The following ARHGEF1 variants were observed in gnomAD, a reference collection of about 807,000 sequenced individuals.
ARHGEF1 encodes the protein 115 kDa guanine nucleotide exchange factor.
A neutral mutation model predicts 119.7 loss-of-function variants in ARHGEF1; 40 were observed. The observed-to-expected ratio is 0.33, with a 90% confidence interval of 0.26 to 0.44. The LOEUF (loss-of-function observed/expected upper bound fraction) is 0.44, where lower values mean the gene tolerates loss of function less well. Among genes scored for constraint, ARHGEF1 ranks in the 20% least tolerant of loss-of-function variants. The probability of loss-of-function intolerance (pLI) is 1.00; values close to 1 mark genes in which losing one functional copy is unlikely to be tolerated. For synonymous variants in ARHGEF1, 494 were observed against 521.0 expected, an observed-to-expected ratio of 0.95 and a Z score of 0.71; for missense variants, 976 against 1,268.3, an observed-to-expected ratio of 0.77 and a Z score of 3.50.
At position 41,907,133 on chromosome 19, in the gene ARHGEF1, G is replaced by A; in HGVS notation, c.*46G>A. ...TTTTGCAAGAAGGAGAGGAATGGGG[G>A]AGAGGACGTGAGGGACCACCCCCAC... On this transcript the variant is annotated 3_prime_UTR_variant, in exon 29 of 29. Transcript: ENST00000354532. 1 of 1,530,838 alleles carries A rather than the reference G, an allele frequency of 6.5e-7. No homozygotes were observed. The highest frequency in any genetic ancestry group is 8.7e-7 in the Non-Finnish European group (1 of 1,144,618). The allele number at this position is 1,530,838 out of a possible 1,614,324, so 94.8% of individuals were successfully genotyped here.
rs782507311 is a variant in ARHGEF1, at chr19:41,896,387, C to T, written c.1026C>T (p.Ala342=). The change falls in exon 13 of 29, where the codon GCC becomes GCT. Residue 342 remains alanine, a synonymous_variant. Coordinates refer to ENST00000354532, the MANE Select transcript of ARHGEF1 (RefSeq NM_004706.4). The part of the protein sequence containing the change: ...DSPDREPGAD[A]PLELGDSSPQ... ...CCCTCCACCCCACAGGTGCTGACGC[C>T]CCCCTGGAGCTGGGGGACTCATCCC... 24 of 1,433,876 alleles carry T rather than the reference C, an allele frequency of 1.7e-5. No homozygotes were observed. The highest frequency in any genetic ancestry group is 2.0e-5 in the Non-Finnish European group (22 of 1,091,676). 88.8% of individuals were successfully genotyped at this position (1,433,876 alleles called of 1,614,324 possible).
At chr19:41,913,998 C>T (rs1555851525) in intron 18 of ARHGEF1, among the ~76,000 whole-genome samples, 1 of 151,352 alleles carries the variant, frequency 6.6e-6, no homozygotes, top group East Asian at 2.0e-4. Flanking sequence ...CCTGATACTC[C>T]CCACTGCTCC....
At chr19:41,908,241 C>G, downstream of ARHGEF1, 2 of 1,231,726 alleles carry the variant, frequency 1.6e-6, no homozygotes, top group Non-Finnish European at 1.0e-6. The surrounding 1 kb of genome is among the most constrained non-coding windows in gnomAD (Gnocchi z 6.7). Flanking sequence ...GCTGCCGGTC[C>G]CCCCTTTGCC....
chr19:41,901,767 CCCA>C lies in ARHGEF1; in HGVS notation c.1268-116_1268-114del, dbSNP rs1345891474. ...CATGGCTAGCCAGAGAGAGTTTTTT[CCCA>C]CCAACTTCTAGGAAGCTTTCCTCCC... is the stretch of plus-strand genomic sequence containing the variant. On this transcript the variant is annotated intron_variant, in intron 14 of 28. Transcript: ENST00000354532. 9.3e-6 allele frequency: 12 copies of C among 1,285,396 alleles called. No individual in the cohort carries two copies. The African/African-American group carries it at 1.8e-4, about 19-fold the overall frequency. 79.6% of individuals were successfully genotyped at this position (1,285,396 alleles called of 1,614,324 possible).
downstream of ARHGEF1, chr19:41,908,754 A>G: frequency 2.9e-6 from 2 of 683,750 alleles, no homozygotes; most frequent in Non-Finnish European, 4.1e-6. This position sits in a 1 kb window ranked among gnomAD's most constrained non-coding sequence, Gnocchi z 6.7. Context: ...TCCCTGCCAT[A>G]TCCCACCCCA....
intron 13 of ARHGEF1, chr19:41,897,176 G>A (rs1555847975): frequency 1.2e-6 from 1 of 816,634 alleles, no homozygotes; most frequent in Non-Finnish European, 1.7e-6. Flanking sequence ...TGGGGGCCCT[G>A]TCCCCCTTAC....
chr19:41,908,341 C>T (rs926245684), downstream of ARHGEF1: 12 of 1,231,384 alleles, frequency 9.7e-6, no homozygotes, highest in Admixed American at 3.0e-4. The surrounding 1 kb of genome is among the most constrained non-coding windows in gnomAD (Gnocchi z 6.7). Flanking sequence ...AGCTCCGAGT[C>T]GCTGTCCTCC....
rs782776290 is a variant in ARHGEF1, at chr19:41,892,838, G to A, written c.603G>A (p.Leu201=). 7 of 1,552,592 alleles carry A rather than the reference G, an allele frequency of 4.5e-6. No homozygotes were observed. Among genetic ancestry groups the A allele is most frequent in the South Asian group, 3.5e-5 (3 of 85,322 alleles). Residue 201 remains leucine, a synonymous_variant, in exon 7 of 29, where the codon CTG becomes CTA. Coordinates refer to ENST00000354532, the MANE Select transcript of ARHGEF1 (RefSeq NM_004706.4). The surrounding 1 kb of genome is among the most constrained non-coding windows in gnomAD (Gnocchi z 6.3). ...RHVAERLLMH[L]EEMQHTISTD... ...TGGCGGAGCGGCTGCTCATGCACCTGGAGGAGATGCAGTGAGTAGGCCAGC... is the reference window on the plus strand; with the variant it reads ...TGGCGGAGCGGCTGCTCATGCACCTAGAGGAGATGCAGTGAGTAGGCCAGC...
At chr19:41,927,042 T>G (rs1555853330) in intron 1 of ARHGEF1, among the ~76,000 whole-genome samples, 1 of 151,226 alleles carries the variant, frequency 6.6e-6, no homozygotes, top group African/African-American at 2.4e-5. Context: ...CACAGAGATT[T>G]AGAGAGAGAT....
intron 13 of ARHGEF1, chr19:41,897,166 TG>T: frequency 3.0e-6 from 2 of 661,824 alleles, no homozygotes; most frequent in Non-Finnish European, 4.5e-6. Flanking sequence ...CTCTGTGCCC[TG>T]GGGGCCCTGT....
At chr19:41,899,935 A>C (rs2074572852) in intron 14 of ARHGEF1, among the ~76,000 whole-genome samples, 1 of 151,748 alleles carries the variant, frequency 6.6e-6, no homozygotes, top group Non-Finnish European at 1.5e-5. Context: ...AAAAAAAAAA[A>C]CATGAGCCAT....
chr19:41,888,507 G>T lies in ARHGEF1; in HGVS notation c.111+229G>T, dbSNP rs1261176579. ...TCGTTGCTCTCTCCTCCCCCAGCAT[G>T]GACCCCAATTTCTTCTCTCCTAATT... On this transcript the variant is annotated intron_variant, in intron 3 of 28. Transcript: ENST00000354532. The surrounding 1 kb of genome is among the most constrained non-coding windows in gnomAD (Gnocchi z 5.1). 6.6e-6 allele frequency among the ~76,000 whole-genome samples: 1 copy of T among 151,984 alleles called. No homozygotes were observed. The highest frequency in any genetic ancestry group is 1.5e-5 in the Non-Finnish European group (1 of 67,986).
intron 1 of ARHGEF1, among the ~76,000 whole-genome samples, chr19:41,887,190 G>T (rs1286575963): frequency 2.6e-5 from 4 of 152,174 alleles, no homozygotes; most frequent in Non-Finnish European, 5.9e-5. Context: ...CGCTGAGAGG[G>T]AGAGATGGAG....
chr19:41,887,834 G>A lies in ARHGEF1; in HGVS notation c.-19-230G>A, dbSNP rs576803799. ...AGACTCAGCCTTCCCATGGACCCAG[G>A]CTCCTGAGCCTCCAACGCCTGCCCC... is the stretch of plus-strand genomic sequence containing the variant. On this transcript the variant is annotated intron_variant, in intron 1 of 28. Transcript: ENST00000354532. Among the ~76,000 whole-genome samples the A allele has an allele frequency of 6.6e-5, 10 of 152,294 alleles. No homozygotes were observed. In the East Asian group the frequency reaches 1.2e-3, roughly 18 times the overall value.
chr19:41,926,409 G>A (rs1217872060), intron 1 of ARHGEF1, among the ~76,000 whole-genome samples: 1 of 152,144 alleles, frequency 6.6e-6, no homozygotes, highest in African/African-American at 2.4e-5. Context: ...GGGAGTTGAA[G>A]GGGGAACATG....
At chr19:41,887,552 C>T (rs991768375) in intron 1 of ARHGEF1, among the ~76,000 whole-genome samples, 3 of 152,048 alleles carry the variant, frequency 2.0e-5, no homozygotes, top group Admixed American at 1.3e-4. Flanking sequence ...TGGGGGTTTG[C>T]CATTGTGACT....
intron 14 of ARHGEF1, among the ~76,000 whole-genome samples, chr19:41,899,967 T>C (rs550465479): frequency 6.6e-6 from 1 of 151,442 alleles, no homozygotes; most frequent in Non-Finnish European, 1.5e-5. Context: ...TAGGACTTTC[T>C]GGAAGATGGA....
At chr19:41,918,366 C>A (rs2074815077), upstream of ARHGEF1, among the ~76,000 whole-genome samples, 1 of 150,398 alleles carries the variant, frequency 6.6e-6, no homozygotes, top group Non-Finnish European at 1.5e-5. Flanking sequence ...ACACACCATA[C>A]CACACACACC....
chr19:41,901,672 T>TC (rs1407203576), intron 14 of ARHGEF1, among the ~76,000 whole-genome samples: 6 of 152,162 alleles, frequency 3.9e-5, no homozygotes, highest in African/African-American at 1.4e-4. Flanking sequence ...AGGCTGATCT[T>TC]GGACTCCTGG....
Sources: allele counts gnomAD v4.1 joint callset (sites outside exome capture counted in the v4.1 genomes callset), GRCh38; gene constraint gnomAD v4.1.1; non-coding constraint Gnocchi (gnomAD v3.1); transcripts MANE v1.5; gene names NCBI Gene and HGNC (gene_info 2026-07-23, HGNC 2026-07-21).